The following POLDIP3 variants were observed in gnomAD, a reference collection of about 807,000 sequenced individuals.
The protein encoded by POLDIP3 is polymerase delta-interacting protein 3.
POLDIP3 carries 14 observed loss-of-function variants against 45.1 expected under a neutral mutation model. The ratio of observed to expected loss-of-function variants is 0.31; its 90% CI spans 0.20 to 0.49. The LOEUF is 0.49. POLDIP3 is among the 20% of genes least tolerant of loss of function. The pLI is 0.99. For missense variants in POLDIP3, 511 were observed against 538.8 expected (o/e 0.95, Z 0.51); for synonymous variants, 223 against 205.2 (o/e 1.09, Z -0.74).
At position 42,595,619 on chromosome 22, in the gene POLDIP3, C is replaced by CACA; in HGVS notation, c.814-8_814-6dup. 6.2e-7 allele frequency: 1 copy of CACA among 1,613,460 alleles called. No individual in the cohort carries two copies. The highest frequency in any genetic ancestry group is 8.5e-7 in the Non-Finnish European group (1 of 1,179,660). ...TTCCAATGGGCTGAGAACAGGCTGC[C>CACA]ACACAGACAAGAGCATTACCAGAAG... is the stretch of plus-strand genomic sequence containing the variant. On this transcript the variant is annotated splice_polypyrimidine_tract_variant and splice_region_variant and intron_variant, in intron 5 of 8. Transcript: ENST00000252115.
intron 2 of POLDIP3, 129 bp from the exon 3 acceptor site, chr22:42,602,185 C>T: frequency 2.1e-6 from 3 of 1,405,016 alleles, no homozygotes; most frequent in Non-Finnish European, 2.9e-6. Context: ...CTACAGAGGG[C>T]CTTATCCTCC....
At chr22:42,613,720 C>T (rs1054361146) in intron 1 of POLDIP3, among the ~76,000 whole-genome samples, 1 of 152,090 alleles carries the variant, frequency 6.6e-6, no homozygotes, top group Non-Finnish European at 1.5e-5. Context: ...GAGATGGCAC[C>T]ACTGCACTCC....
intron 3 of POLDIP3, among the ~76,000 whole-genome samples, chr22:42,601,101 AAAG>A (rs1988299250): frequency 6.6e-6 from 1 of 152,174 alleles, no homozygotes; most frequent in Admixed American, 6.5e-5. Flanking sequence ...TATCAAAAAA[AAAG>A]AAGCGTACAT....
chr22:42,613,307 C>T (rs1467036319), intron 1 of POLDIP3, among the ~76,000 whole-genome samples: 2 of 152,148 alleles, frequency 1.3e-5, no homozygotes, highest in African/African-American at 2.4e-5. Flanking sequence ...AATGTGTGCC[C>T]GTTACGAACC....
At chr22:42,597,680 G>C (rs753099383) in intron 4 of POLDIP3, 2 of 469,436 alleles carry the variant, frequency 4.3e-6, no homozygotes, top group South Asian at 3.1e-5. Flanking sequence ...CACTGAGCAA[G>C]CTGATAGTTC....
At chr22:42,596,483 T>A in intron 4 of POLDIP3, 118 bp from the exon 5 acceptor site, 6 of 1,019,644 alleles carry the variant, frequency 5.9e-6, no homozygotes, top group Non-Finnish European at 7.1e-6. Context: ...GCTCTCTAAT[T>A]CTATTAGAGG....
chr22:42,607,805 G>A (rs1477645003), intron 1 of POLDIP3, among the ~76,000 whole-genome samples: 5 of 150,212 alleles, frequency 3.3e-5, no homozygotes, highest in South Asian at 4.2e-4. Flanking sequence ...CCGCCACCCC[G>A]TCTGGGAGGT....
At chr22:42,595,478 G>A in intron 6 of POLDIP3, 59 bp downstream of exon 6, 1 of 1,503,252 alleles carries the variant, frequency 6.7e-7, no homozygotes, top group South Asian at 1.1e-5. Flanking sequence ...TGGGTCTTAA[G>A]AGACCTTTGC....
chr22:42,587,933 A>C (rs1925416027), intron 7 of POLDIP3, among the ~76,000 whole-genome samples: 1 of 152,232 alleles, frequency 6.6e-6, no homozygotes, highest in Non-Finnish European at 1.5e-5. Context: ...CATTATGTAC[A>C]GGCTTCTACT....
In POLDIP3 at chr22:42,602,923, G is replaced by A. The variant is rs1427945460; in HGVS notation, c.297C>T (p.Asn99=). The part of the protein sequence containing the change: ...GKVQDAREML[N]SRKQQTTVPQ... ...GCACCGTGGTCTGCTGCTTGCGAGA[G>A]TTCAACATCTCTCTGGCATCCTGCA... is the stretch of plus-strand genomic sequence containing the variant. Residue 99 remains asparagine (N), a synonymous_variant, in exon 2 of 9, where the codon AAC becomes AAT. Transcript: ENST00000252115. 1 of 1,614,122 alleles carries A rather than the reference G, an allele frequency of 6.2e-7. No individual in the cohort carries two copies. Among genetic ancestry groups the A allele is most frequent in the Non-Finnish European group, 8.5e-7 (1 of 1,180,028 alleles).
At chr22:42,600,135 T>C (rs1336406669) in intron 3 of POLDIP3, among the ~76,000 whole-genome samples, 1 of 152,128 alleles carries the variant, frequency 6.6e-6, no homozygotes, top group African/African-American at 2.4e-5. Flanking sequence ...ATCCAAACCC[T>C]AGAAAGAGCT....
At chr22:42,609,081 A>C (rs1926956961) in intron 1 of POLDIP3, among the ~76,000 whole-genome samples, 2 of 151,908 alleles carry the variant, frequency 1.3e-5, no homozygotes, top group South Asian at 2.1e-4. Context: ...TAAAACACAG[A>C]CTCAATTATG....
At chr22:42,614,551 G>A (rs1601915636) in intron 1 of POLDIP3, among the ~76,000 whole-genome samples, 1 of 152,260 alleles carries the variant, frequency 6.6e-6, no homozygotes, top group Admixed American at 6.5e-5. Context: ...TCAGGTCCAC[G>A]AGGCGGCACC....
chr22:42,605,539 G>C (rs955613834), intron 1 of POLDIP3, among the ~76,000 whole-genome samples: 2 of 152,118 alleles, frequency 1.3e-5, no homozygotes, highest in Non-Finnish European at 2.9e-5. Context: ...GGCAAATTCA[G>C]ATTTAAAGAT....
At chr22:42,594,771 G>C (rs958181592) in intron 6 of POLDIP3, among the ~76,000 whole-genome samples, 3 of 152,222 alleles carry the variant, frequency 2.0e-5, no homozygotes, top group Non-Finnish European at 4.4e-5. Context: ...ACTGCCATGG[G>C]TGGGACGGGA....
rs148020400 is a variant in POLDIP3 at position 42,611,843 on chromosome 22, C to A, written c.59+2956G>T. ...ACTGAGCTGAGATCATGCCATTGCACTCCAGCCTGGGCAACAGAGTGAGAC... is the reference window on the plus strand; with the variant it reads ...ACTGAGCTGAGATCATGCCATTGCAATCCAGCCTGGGCAACAGAGTGAGAC... On this transcript the variant is annotated intron_variant, in intron 1 of 8. Transcript: ENST00000252115. Among the ~76,000 whole-genome samples the A allele has an allele frequency of 5.4e-4, 83 of 152,296 alleles. 1 individual carries two copies. The highest frequency in any genetic ancestry group is 1.7e-3 in the African/African-American group (70 of 41,564).
intron 8 of POLDIP3, among the ~76,000 whole-genome samples, chr22:42,586,175 C>G (rs1292629557): frequency 6.6e-6 from 1 of 152,184 alleles, no homozygotes; most frequent in Non-Finnish European, 1.5e-5. Flanking sequence ...CCTGCCACAG[C>G]CTCCTAAGGA....
intron 2 of POLDIP3, 103 bp downstream of exon 2, chr22:42,602,667 C>T: frequency 7.5e-7 from 1 of 1,340,838 alleles, no homozygotes; most frequent in South Asian, 1.4e-5. Context: ...TATGCCAACA[C>T]TTGAGAGGAT....
intron 1 of POLDIP3, among the ~76,000 whole-genome samples, chr22:42,613,851 C>T (rs990017997): frequency 6.6e-6 from 1 of 152,188 alleles, no homozygotes; most frequent in Admixed American, 6.5e-5. Context: ...TGGCTATTTA[C>T]AAAGACATTT....
Sources: gnomAD v4.1 joint callset for allele counts (sites outside exome capture counted in the v4.1 genomes callset) on GRCh38, gnomAD v4.1.1 for gene constraint, MANE v1.5 for transcripts, NCBI Gene and HGNC (gene_info 2026-07-23, HGNC 2026-07-21) for gene names.